CNTNAP3: variants seen among roughly 807,000 people sequenced by gnomAD.
CNTNAP3 encodes the protein contactin associated protein family member 3.
In CNTNAP3, 36 loss-of-function variants were observed where a neutral mutation model predicts 92.1. The observed-to-expected ratio is 0.39, with a 90% confidence interval of 0.30 to 0.52. The LOEUF (loss-of-function observed/expected upper bound fraction) is 0.52, where lower values mean the gene tolerates loss of function less well. Among genes scored for constraint, CNTNAP3 ranks in the 20% least tolerant of loss-of-function variants. The probability of loss-of-function intolerance (pLI) is 0.76; values close to 1 mark genes in which losing one functional copy is unlikely to be tolerated. For synonymous variants in CNTNAP3, 232 were observed against 422.3 expected (o/e 0.55, Z 5.53); for missense variants, 534 against 1,069.6 (o/e 0.50, Z 6.98).
In CNTNAP3 at chr9:39,146,406, C is replaced by A. The variant is rs181114022; in HGVS notation, c.1650-2060G>T. Among the ~76,000 whole-genome samples, 674 of 152,254 alleles carry A rather than the reference C, an allele frequency of 4.4e-3. 7 individuals are homozygous for A. Among genetic ancestry groups the A allele is most frequent in the African/African-American group, 0.016 (647 of 41,544 alleles). On this transcript the variant is annotated intron_variant, in intron 10 of 23. Coordinates refer to ENST00000297668, the MANE Select transcript of CNTNAP3 (RefSeq NM_033655.5). ...GGTGATTAAGAAGTTAAAACCTATC[C>A]TGGCCGGGTGTGGTGGCTCACGCCT...
rs1481759415 is a variant in CNTNAP3, at chr9:39,124,972, T to C, written c.2081-6713A>G. The stretch of plus-strand genomic sequence containing the variant: ...TTGCGATTCCTCATGGATCTAGAAC[T>C]AGAAATACCATTTGACCCAGCCATC... On this transcript the variant is annotated intron_variant, in intron 13 of 23. Transcript: ENST00000297668. Among the ~76,000 whole-genome samples, 7 of 152,046 alleles carry C rather than the reference T, an allele frequency of 4.6e-5. No homozygotes were observed. In the East Asian group the frequency reaches 1.4e-3, roughly 29 times the overall value.
chr9:39,143,159 C>A (rs1047905233), intron 11 of CNTNAP3, among the ~76,000 whole-genome samples: 2 of 124,908 alleles, frequency 1.6e-5, no homozygotes, highest in African/African-American at 6.8e-5. Context: ...AATGGCATGG[C>A]CTTTGAAATT....
rs1414040481 is a variant in CNTNAP3, at chr9:39,068,589, C to G, written c.*5301G>C. On this transcript the variant is annotated 3_prime_UTR_variant, in exon 24 of 24. Transcript: ENST00000297668. ...TTCCCTTGCCTCAGGTAGTTTCATG[C>G]ACTTTGTTACACACTGAAGGGCGAC... Among the ~76,000 whole-genome samples the G allele has an allele frequency of 6.6e-6, 1 of 152,310 alleles. No individual in the cohort carries two copies. The highest frequency in any genetic ancestry group is 1.9e-4 in the East Asian group (1 of 5,208).
rs774300042 is a variant in CNTNAP3 at position 39,133,038 on chromosome 9, C to A, written c.1974G>T (p.Ala658=). ...GCAGCTGCCCCGCGCCCGCTGCGTA[C>A]GCGAAGGACACAGCCGAGCGCGGGT... The part of the protein sequence containing the change: ...SGHPRSAVSF[A]YAAGAGQLRS... Residue 658 remains alanine (A), a synonymous_variant, in exon 13 of 24, where the codon GCG becomes GCT. Transcript: ENST00000297668. The A allele has an allele frequency of 2.6e-6, 4 of 1,548,720 alleles. No homozygotes were observed. The South Asian group carries it at 3.5e-5, about 14-fold the overall frequency.
Position 39,066,028 on chromosome 9 carries a change from T to C in CNTNAP3, c.*7862A>G, listed in dbSNP as rs1825502402. On this transcript the variant is annotated 3_prime_UTR_variant, in exon 24 of 24. Coordinates refer to ENST00000297668, the MANE Select transcript of CNTNAP3 (RefSeq NM_033655.5). Reference sequence around the variant, plus strand: ...GCTTTCTATTTGTCCCATTTGTTCTTTGTCCTCTTTCTCATCTTTTTTGTC... The same window carrying C: ...GCTTTCTATTTGTCCCATTTGTTCTCTGTCCTCTTTCTCATCTTTTTTGTC... Among the ~76,000 whole-genome samples, 1 of 152,238 alleles carries C rather than the reference T, an allele frequency of 6.6e-6. No individual in the cohort carries two copies. The highest frequency in any genetic ancestry group is 1.5e-5 in the Non-Finnish European group (1 of 68,032).
chr9:39,134,485 C>T (rs545221686), intron 12 of CNTNAP3, among the ~76,000 whole-genome samples: 35 of 151,820 alleles, frequency 2.3e-4, no homozygotes, highest in Middle Eastern at 3.4e-3. Context: ...AGTGCAGTGG[C>T]GCTATCTCAG....
intron 19 of CNTNAP3, among the ~76,000 whole-genome samples, chr9:39,088,028 T>A (rs1014555473): frequency 6.6e-6 from 1 of 152,212 alleles, no homozygotes; most frequent in Non-Finnish European, 1.5e-5. Context: ...TTTATATAGT[T>A]GTACTATAAC....
At chr9:39,132,097 T>G (rs1401999163) in intron 13 of CNTNAP3, among the ~76,000 whole-genome samples, 1 of 152,240 alleles carries the variant, frequency 6.6e-6, no homozygotes, top group East Asian at 1.9e-4. Context: ...CACAGCTCAC[T>G]GCAGCCTGGA....
intron 13 of CNTNAP3, among the ~76,000 whole-genome samples, chr9:39,131,015 AGAG>A (rs1436990022): frequency 2.6e-5 from 4 of 152,164 alleles, no homozygotes; most frequent in South Asian, 4.1e-4. Context: ...TCTTTTCAAA[AGAG>A]GAGAAATAGG....
intron 18 of CNTNAP3, among the ~76,000 whole-genome samples, chr9:39,093,490 C>A (rs900309837): frequency 2.6e-5 from 4 of 150,980 alleles, no homozygotes; most frequent in African/African-American, 7.3e-5. Context: ...TGTCATCATC[C>A]CAAAATTAAA....
chr9:39,140,774 T>A, intron 11 of CNTNAP3, 136 bp from the exon 12 acceptor site: 1 of 1,268,956 alleles, frequency 7.9e-7, no homozygotes, highest in Non-Finnish European at 1.0e-6. Context: ...TATGACAGTA[T>A]ATTTGATGAG....
intron 17 of CNTNAP3, 106 bp downstream of exon 17, chr9:39,102,391 G>A: frequency 1.3e-6 from 2 of 1,560,806 alleles, no homozygotes; most frequent in Non-Finnish European, 1.7e-6. Context: ...CCAATAAGCA[G>A]TAGTTGTTGT....
chr9:39,134,698 G>T (rs1401816152), intron 12 of CNTNAP3, among the ~76,000 whole-genome samples: 1 of 152,232 alleles, frequency 6.6e-6, no homozygotes, highest in African/African-American at 2.4e-5. Flanking sequence ...AAAGTGCTGG[G>T]ATTACAGGTG....
chr9:39,128,384 T>A (rs532551213), intron 13 of CNTNAP3, among the ~76,000 whole-genome samples: 5 of 152,210 alleles, frequency 3.3e-5, no homozygotes, highest in East Asian at 3.9e-4. Flanking sequence ...ATGTATTTTT[T>A]AAATTATACA....
chr9:39,081,433 C>T (rs1825931339), intron 21 of CNTNAP3, among the ~76,000 whole-genome samples: 1 of 151,050 alleles, frequency 6.6e-6, no homozygotes, highest in Admixed American at 6.6e-5. Context: ...ACCCAGCCCC[C>T]TTCCAATTCT....
At chr9:39,132,725 G>C (rs549513129) in intron 13 of CNTNAP3, among the ~76,000 whole-genome samples, 2 of 152,154 alleles carry the variant, frequency 1.3e-5, no homozygotes, top group Admixed American at 1.3e-4. Context: ...GCATATGAAC[G>C]CGCTGAACGT....
At chr9:39,122,046 C>G (rs906286263) in intron 13 of CNTNAP3, among the ~76,000 whole-genome samples, 1 of 152,126 alleles carries the variant, frequency 6.6e-6, no homozygotes, top group Non-Finnish European at 1.5e-5. Context: ...AAAGACTGAC[C>G]TAATCCTAAG....
Position 39,148,463 on chromosome 9 carries a change from GACTA to G in CNTNAP3, c.1649+1339_1649+1342del, listed in dbSNP as rs765675610. ...TACAGTTAATGTTTAAAACAGAATT[GACTA>G]ACTGAATTTACTCCATGAAGAAGGC... On this transcript the variant is annotated intron_variant, in intron 10 of 23. Coordinates refer to ENST00000297668, the MANE Select transcript of CNTNAP3 (RefSeq NM_033655.5). Among the ~76,000 whole-genome samples the G allele has an allele frequency of 4.0e-4, 60 of 151,572 alleles. 1 individual carries two copies. In the East Asian group the frequency reaches 0.01, roughly 26 times the overall value.
chr9:39,085,096 A>G (rs1826036072), intron 21 of CNTNAP3: 2 of 147,442 alleles, frequency 1.4e-5, no homozygotes, highest in Admixed American at 6.7e-5. Flanking sequence ...TTTTTTTAAA[A>G]AAAGATTACT....
Sources: allele counts gnomAD v4.1 joint callset (sites outside exome capture counted in the v4.1 genomes callset), GRCh38; gene constraint gnomAD v4.1.1; transcripts MANE v1.5; gene names NCBI Gene and HGNC (gene_info 2026-07-23, HGNC 2026-07-21).